Variants in MTX3 observed in about 807,000 individuals in gnomAD.
MTX3 encodes the protein metaxin 3.
In MTX3, 27 loss-of-function variants were observed where a neutral mutation model predicts 42.5. That is an observed-to-expected ratio of 0.64 (90% CI 0.47 to 0.88). MTX3 has a LOEUF of 0.88. Among genes scored for constraint, MTX3 ranks in the 40% least tolerant of loss-of-function variants. The pLI is 0.00. For missense variants in MTX3, 378 were observed against 367.0 expected (o/e 1.03, Z -0.25); for synonymous variants, 144 against 132.9 (o/e 1.08, Z -0.57).
chr5:79,976,964 A>G lies in MTX3; in HGVS notation c.*6720T>C. The stretch of plus-strand genomic sequence containing the variant: ...AAGAAGCTAGAGTAGTTGTGCAACT[A>G]GAACAGATGTTTTTAAAATGTTTGC... On this transcript the variant is annotated 3_prime_UTR_variant, in exon 9 of 9. Transcript: ENST00000512528. 1 of 152,490 alleles carries G rather than the reference A, an allele frequency of 6.6e-6. No homozygotes were observed. The highest frequency in any genetic ancestry group is 1.9e-4 in the East Asian group (1 of 5,194). 9.4% of individuals were successfully genotyped at this position (152,490 alleles called of 1,614,324 possible).
At chr5:79,988,687 T>G in intron 4 of MTX3, 43 bp from the exon 5 acceptor site, 1 of 1,461,046 alleles carries the variant, frequency 6.8e-7, no homozygotes, top group Middle Eastern at 1.8e-4. Context: ...GTTCTTTTAT[T>G]AAATGAAAGA....
chr5:79,987,201 A>G (rs1831515130), intron 6 of MTX3, 94 bp from the exon 7 acceptor site: 2 of 1,153,496 alleles, frequency 1.7e-6, no homozygotes. Context: ...GTACTTTGGG[A>G]GATCAAGCGG....
rs541469764 is a variant in MTX3, at chr5:79,977,490, A to C, written c.*6194T>G. ...CACGTGGCTACATGTTCACCATTACACCACAACTCAAAACCCACAGGCGAG... is the reference window on the plus strand; with the variant it reads ...CACGTGGCTACATGTTCACCATTACCCCACAACTCAAAACCCACAGGCGAG... On this transcript the variant is annotated 3_prime_UTR_variant, in exon 9 of 9. Transcript: ENST00000512528. 6.6e-6 allele frequency: 1 copy of C among 152,358 alleles called. No individual in the cohort carries two copies. The highest frequency in any genetic ancestry group is 2.4e-5 in the African/African-American group (1 of 41,588). The allele number at this position is 152,358 out of a possible 1,614,324, so 9.4% of individuals were successfully genotyped here.
Position 79,988,609 on chromosome 5 carries a change from A to G in MTX3, c.357T>C (p.Phe119=), listed in dbSNP as rs1304453409. ...HTFWVESDNY[F]TVTKPWFASQ... The stretch of plus-strand genomic sequence containing the variant: ...AAGCAAACCATGGCTTTGTCACAGT[A>G]AAGTAATTGTCACTCTCAACCCAGA... The change falls in exon 5 of 9, where the codon TTT becomes TTC. Residue 119 remains phenylalanine, a synonymous_variant. Coordinates refer to ENST00000512528, the MANE Select transcript of MTX3 (RefSeq NM_001363818.2). 6 of 1,598,628 alleles carry G rather than the reference A, an allele frequency of 3.8e-6. No homozygotes were observed. Among genetic ancestry groups the G allele is most frequent in the South Asian group, 3.4e-5 (3 of 87,970 alleles).
In MTX3 at chr5:79,980,460, CTT is replaced by C. The variant is rs1318994888; in HGVS notation, c.*3222_*3223del. ...GCACCCCCAATATAATACAAACAAA[CTT>C]AAGTTGAAATTTGGTTTGTTAATGC... On this transcript the variant is annotated 3_prime_UTR_variant, in exon 9 of 9. Transcript: ENST00000512528. 1 of 151,882 alleles carries C rather than the reference CTT, an allele frequency of 6.6e-6. No homozygotes were observed. The highest frequency in any genetic ancestry group is 1.9e-4 in the East Asian group (1 of 5,184). 9.4% of individuals were successfully genotyped at this position (151,882 alleles called of 1,614,324 possible). A position where few individuals can be genotyped will look rare whatever the true frequency, so the allele number is the denominator to read the frequency against.
At chr5:79,988,212 C>G (rs990146865) in intron 6 of MTX3, 27 bp downstream of exon 6, 2 of 1,332,078 alleles carry the variant, frequency 1.5e-6, no homozygotes, top group African/African-American at 2.9e-5. Context: ...CACAAAATAC[C>G]AAAATGATTT....
Position 79,986,996 on chromosome 5 carries a change from G to A in MTX3, c.693C>T (p.Arg231=). 1.2e-6 allele frequency: 2 copies of A among 1,613,962 alleles called. No homozygotes were observed. ...EHLKQLSNLC[R]FCDDILSSYF... The stretch of plus-strand genomic sequence containing the variant: ...AACTGCTCAGGATGTCATCACAAAA[G>A]CGACAGAGGTTGGAGAGCTGTTTCA... The change falls in exon 7 of 9, where the codon CGC becomes CGT. Residue 231 remains arginine (R), a synonymous_variant. Transcript: ENST00000512528.
In MTX3 at chr5:79,977,393, A is replaced by G. The variant is rs1831274098; in HGVS notation, c.*6291T>C. On this transcript the variant is annotated 3_prime_UTR_variant, in exon 9 of 9. Transcript: ENST00000512528. ...CAAGGATCTGGGATATGTAAACGAAATGATTAAAAGACATTTCTCTGAATT... is the reference window on the plus strand; with the variant it reads ...CAAGGATCTGGGATATGTAAACGAAGTGATTAAAAGACATTTCTCTGAATT... 4 of 152,232 alleles carry G rather than the reference A, an allele frequency of 2.6e-5. No individual in the cohort carries two copies. Among genetic ancestry groups the G allele is most frequent in the Admixed American group, 1.3e-4 (2 of 15,280 alleles). The allele number at this position is 152,232 out of a possible 1,614,324, so 9.4% of individuals were successfully genotyped here.
intron 8 of MTX3, among the ~76,000 whole-genome samples, chr5:79,985,067 C>T (rs1227365259): frequency 2.6e-5 from 4 of 152,068 alleles, no homozygotes; most frequent in Non-Finnish European, 5.9e-5. Flanking sequence ...CTGCAAGCTC[C>T]GCCTCCCGGG....
intron 1 of MTX3, 175 bp from the exon 2 acceptor site, chr5:79,990,838 C>G (rs1450984142): frequency 1.4e-6 from 1 of 721,356 alleles, no homozygotes; most frequent in African/African-American, 1.7e-5. Flanking sequence ...CTTTCGAGGA[C>G]TTTGCTCCCC....
In MTX3 at chr5:79,982,488, A is replaced by C; in HGVS notation, c.*1196T>G. On this transcript the variant is annotated 3_prime_UTR_variant, in exon 9 of 9. Coordinates refer to ENST00000512528, the MANE Select transcript of MTX3 (RefSeq NM_001363818.2). ...CAAAAACATGGTTCTACATTTTAAA[A>C]ACCTCAGAAGTAGTTTTAGGACAAC... The C allele has an allele frequency of 2.2e-6, 1 of 451,680 alleles. No homozygotes were observed. Among genetic ancestry groups the C allele is most frequent in the East Asian group, 7.0e-5 (1 of 14,364 alleles). The allele number at this position is 451,680 out of a possible 1,614,324, so 28.0% of individuals were successfully genotyped here.
Position 79,983,556 on chromosome 5 carries a change from T to C in MTX3, c.*128A>G, listed in dbSNP as rs1831419943. On this transcript the variant is annotated 3_prime_UTR_variant, in exon 9 of 9. Transcript: ENST00000512528. Reference sequence around the variant, plus strand: ...ATAATAATAGTAAAAATAGATGGCATAGAAAGTTCCTTTTGGTTTAGAGTC... The same window carrying C: ...ATAATAATAGTAAAAATAGATGGCACAGAAAGTTCCTTTTGGTTTAGAGTC... 2 of 694,506 alleles carry C rather than the reference T, an allele frequency of 2.9e-6. No individual in the cohort carries two copies. Among genetic ancestry groups the C allele is most frequent in the African/African-American group, 1.8e-5 (1 of 55,452 alleles). 43.0% of individuals were successfully genotyped at this position (694,506 alleles called of 1,614,324 possible).
chr5:79,988,653 GA>G lies in MTX3; in HGVS notation c.322-10del, dbSNP rs1831554804. On this transcript the variant is annotated splice_polypyrimidine_tract_variant and intron_variant, in intron 4 of 8. Transcript: ENST00000512528. ...ACCCAGAATGTGTGAAGCTGCAAAA[GA>G]AGAGAAAAAACACTACAAGGATGTT... The G allele has an allele frequency of 6.4e-7, 1 of 1,556,288 alleles. No individual in the cohort carries two copies. Among genetic ancestry groups the G allele is most frequent in the African/African-American group, 1.4e-5 (1 of 72,668 alleles).
chr5:79,985,504 A>C, intron 8 of MTX3, 67 bp downstream of exon 8: 1 of 1,081,646 alleles, frequency 9.2e-7, no homozygotes, highest in Non-Finnish European at 1.4e-6. Flanking sequence ...TGTGTGACCC[A>C]AATGACAATA....
chr5:79,988,721 T>A, intron 4 of MTX3, 77 bp from the exon 5 acceptor site: 2 of 1,272,886 alleles, frequency 1.6e-6, no homozygotes, highest in Non-Finnish European at 2.1e-6. Context: ...ATGAGAGTTT[T>A]TCATAAATAT....
At position 79,990,653 on chromosome 5, in the gene MTX3, T is replaced by C. The variant is rs1323146282; in HGVS notation, c.92A>G (p.Lys31Arg). The change falls in exon 2 of 9, where the codon AAA becomes AGA. Residue 31 changes from lysine (K) to arginine (R), a missense_variant. Transcript: ENST00000512528. Reference sequence around the variant, plus strand: ...GACTTTCAAGGGTGCACCAGAAAATTTGGCATAAGCCTGAAACAGAGTTTG... The same window carrying C: ...GACTTTCAAGGGTGCACCAGAAAATCTGGCATAAGCCTGAAACAGAGTTTG... ...SESLVVMAYA[K>R]FSGAPLKVNV... 2.5e-6 allele frequency: 4 copies of C among 1,613,156 alleles called. No individual in the cohort carries two copies. Among genetic ancestry groups the C allele is most frequent in the Middle Eastern group, 1.6e-4 (1 of 6,082 alleles).
Position 79,984,614 on chromosome 5 carries a change from T to G in MTX3, c.829-820A>C, listed in dbSNP as rs6453497. ...TTTGTAAAATAGTAAGTATTACTAT[T>G]TGTATCAGGAAAAAAAAAAAAAGCA... On this transcript the variant is annotated intron_variant, in intron 8 of 8. Coordinates refer to ENST00000512528, the MANE Select transcript of MTX3 (RefSeq NM_001363818.2). 4.7e-4 allele frequency among the ~76,000 whole-genome samples: 71 copies of G among 151,146 alleles called. 1 individual carries two copies. The highest frequency in any genetic ancestry group is 3.4e-3 in the South Asian group (16 of 4,772).
intron 1 of MTX3, chr5:79,990,944 G>A (rs1488674901): frequency 1.4e-5 from 10 of 716,226 alleles, no homozygotes; most frequent in Non-Finnish European, 2.5e-5. Context: ...ACAAAACTCG[G>A]AGCCAAGCGG....
Position 79,982,157 on chromosome 5 carries a change from A to G in MTX3, c.*1527T>C. On this transcript the variant is annotated 3_prime_UTR_variant, in exon 9 of 9. Transcript: ENST00000512528. ...ACACACACACACACCCTGTTGTAGA[A>G]GTAATGTGCAACTCATGAGGTACTT... 1 of 251,932 alleles carries G rather than the reference A, an allele frequency of 4.0e-6. No individual in the cohort carries two copies. The highest frequency in any genetic ancestry group is 9.7e-5 in the East Asian group (1 of 10,320). The allele number at this position is 251,932 out of a possible 1,614,324, so 15.6% of individuals were successfully genotyped here.
Sources: allele counts gnomAD v4.1 joint callset (sites outside exome capture counted in the v4.1 genomes callset), GRCh38; gene constraint gnomAD v4.1.1; transcripts MANE v1.5; gene names NCBI Gene and HGNC (gene_info 2026-07-23, HGNC 2026-07-21).